Variants in RIN3 observed in about 807,000 individuals in gnomAD.
The protein encoded by RIN3 is RAB5 interacting protein 3.
Under a neutral mutation model 76.3 loss-of-function variants are expected in RIN3, and 54 were observed. The observed-to-expected ratio is 0.71, with a 90% CI of 0.57 to 0.89. The LOEUF (loss-of-function observed/expected upper bound fraction) is 0.89, where lower values mean the gene tolerates loss of function less well. Among genes scored for constraint, RIN3 ranks in the 40% least tolerant of loss-of-function variants. RIN3 has a pLI of 0.00. For synonymous variants in RIN3, 576 were observed against 564.0 expected (o/e 1.02, Z -0.30); for missense variants, 1,256 against 1,322.1 (o/e 0.95, Z 0.78).
intron 3 of RIN3, among the ~76,000 whole-genome samples, chr14:92,597,138 G>A (rs1160966861): frequency 2.0e-5 from 3 of 149,806 alleles, no homozygotes; most frequent in Non-Finnish European, 4.4e-5. Context: ...CATGATGTGT[G>A]TGTGGGTCAA....
intron 7 of RIN3, among the ~76,000 whole-genome samples, chr14:92,668,694 A>G (rs1211061992): frequency 6.6e-6 from 1 of 152,206 alleles, no homozygotes; most frequent in Non-Finnish European, 1.5e-5. Flanking sequence ...CGGACAGTTC[A>G]GACTAGATCA....
At chr14:92,602,545 T>C (rs1885384652) in intron 3 of RIN3, among the ~76,000 whole-genome samples, 1 of 152,170 alleles carries the variant, frequency 6.6e-6, no homozygotes, top group South Asian at 2.1e-4. Context: ...TCCTCACCTA[T>C]TAAAGGTAGA....
chr14:92,675,218 G>A (rs1172201933), intron 7 of RIN3, among the ~76,000 whole-genome samples: 2 of 152,204 alleles, frequency 1.3e-5, no homozygotes, highest in Non-Finnish European at 2.9e-5. Flanking sequence ...GAGTAGTTGT[G>A]TAGGTTCCTG....
At chr14:92,666,155 C>T (rs907334491) in intron 7 of RIN3, among the ~76,000 whole-genome samples, 10 of 152,166 alleles carry the variant, frequency 6.6e-5, no homozygotes, top group Non-Finnish European at 1.3e-4. Flanking sequence ...TTCCCAGCCC[C>T]CTCACCTCCA....
intron 4 of RIN3, among the ~76,000 whole-genome samples, chr14:92,621,736 G>A (rs897927765): frequency 1.3e-5 from 2 of 152,206 alleles, no homozygotes; most frequent in Non-Finnish European, 2.9e-5. Flanking sequence ...TTCCTATTGA[G>A]ACCCTTTAAA....
rs1196602588 is a variant in RIN3 at position 92,650,854 on chromosome 14, C to G, written c.533-728C>G. 3 of 152,384 alleles carry G rather than the reference C, an allele frequency of 2.0e-5. No individual in the cohort carries two copies. The East Asian group carries it at 5.8e-4, about 29-fold the overall frequency. 9.4% of individuals were successfully genotyped at this position (152,384 alleles called of 1,614,324 possible). ...GACTGGGTCGGTAGAGAGGCACGCACTGGAACTCAGCTCCACGGTGCAGGA... is the reference window on the plus strand; with the variant it reads ...GACTGGGTCGGTAGAGAGGCACGCAGTGGAACTCAGCTCCACGGTGCAGGA... On this transcript the variant is annotated intron_variant, in intron 5 of 9. Transcript: ENST00000216487.
At chr14:92,566,289 T>C (rs1386570132) in intron 2 of RIN3, among the ~76,000 whole-genome samples, 1 of 152,160 alleles carries the variant, frequency 6.6e-6, no homozygotes, top group Non-Finnish European at 1.5e-5. Flanking sequence ...CTTCAAGTGG[T>C]TGGCTTTTTG....
At chr14:92,563,233 C>T (rs900609319) in intron 2 of RIN3, among the ~76,000 whole-genome samples, 4 of 151,852 alleles carry the variant, frequency 2.6e-5, no homozygotes, top group Non-Finnish European at 2.9e-5. Context: ...TAGTGGCAGG[C>T]GCCTGTAATC....
chr14:92,560,494 A>G (rs1014298304), intron 2 of RIN3, among the ~76,000 whole-genome samples: 4 of 152,172 alleles, frequency 2.6e-5, no homozygotes, highest in African/African-American at 4.8e-5. Flanking sequence ...CAGAGTTGCT[A>G]TATGCATGAT....
At chr14:92,618,539 A>C (rs1201284830) in intron 4 of RIN3, among the ~76,000 whole-genome samples, 2 of 152,202 alleles carry the variant, frequency 1.3e-5, no homozygotes, top group African/African-American at 2.4e-5. Context: ...AAACTATAAA[A>C]GCTTTTTTAC....
intron 8 of RIN3, among the ~76,000 whole-genome samples, chr14:92,680,250 A>T (rs1014894316): frequency 6.8e-6 from 1 of 146,202 alleles, no homozygotes; most frequent in African/African-American, 2.6e-5. Flanking sequence ...CCCGGACTGG[A>T]GTGCAGTGCT....
chr14:92,526,207 G>A (rs1374799055), intron 1 of RIN3, among the ~76,000 whole-genome samples: 1 of 152,202 alleles, frequency 6.6e-6, no homozygotes, highest in Admixed American at 6.5e-5. Context: ...TGTAATCCCA[G>A]CACTTTGGGA....
chr14:92,618,443 A>T (rs1886052445), intron 4 of RIN3, among the ~76,000 whole-genome samples: 2 of 152,300 alleles, frequency 1.3e-5, no homozygotes, highest in African/African-American at 4.8e-5. Flanking sequence ...CAGTTTTGAG[A>T]TTATGAACCC....
At chr14:92,684,191 C>T (rs934052896) in intron 8 of RIN3, among the ~76,000 whole-genome samples, 1 of 152,080 alleles carries the variant, frequency 6.6e-6, no homozygotes, top group Non-Finnish European at 1.5e-5. Context: ...ACCAGCATGG[C>T]CAGCATGGCG....
At chr14:92,528,373 C>T (rs545345207) in intron 1 of RIN3, among the ~76,000 whole-genome samples, 2 of 152,334 alleles carry the variant, frequency 1.3e-5, no homozygotes, top group East Asian at 3.9e-4. Flanking sequence ...CTGGGGTTGA[C>T]GTTCCACTCT....
At position 92,629,969 on chromosome 14, in the gene RIN3, G is replaced by A. The variant is rs552386483; in HGVS notation, c.441-11269G>A. ...CCTGGCCCTTGGTATGTTATGACAC[G>A]TTAGGCTCTCAGAGAGGCAGGTTCC... On this transcript the variant is annotated intron_variant, in intron 4 of 9. Transcript: ENST00000216487. 3.1e-3 allele frequency among the ~76,000 whole-genome samples: 467 copies of A among 152,338 alleles called. 2 individuals are homozygous for A. The highest frequency in any genetic ancestry group is 5.5e-3 in the Non-Finnish European group (375 of 68,036).
At chr14:92,620,490 G>A (rs1057079388) in intron 4 of RIN3, among the ~76,000 whole-genome samples, 5 of 152,130 alleles carry the variant, frequency 3.3e-5, no homozygotes, top group African/African-American at 9.7e-5. Context: ...CTCTGGGCCC[G>A]ACAAAGGTAG....
intron 7 of RIN3, among the ~76,000 whole-genome samples, chr14:92,675,169 G>C (rs575952541): frequency 1.2e-4 from 18 of 152,094 alleles, no homozygotes; most frequent in African/African-American, 4.3e-4. Context: ...TTTTGCTTTG[G>C]CCAGCAGGAA....
chr14:92,649,510 C>T lies in RIN3; in HGVS notation c.533-2072C>T, dbSNP rs528726738. Among the ~76,000 whole-genome samples, 3 of 152,266 alleles carry T rather than the reference C, an allele frequency of 2.0e-5. No homozygotes were observed. In the South Asian group the frequency reaches 6.2e-4, roughly 32 times the overall value. ...GTCCTGTGTAGACATGGGCACAGTGCTTCACTCACTCACTCCAGGGGCCTG... is the reference window on the plus strand; with the variant it reads ...GTCCTGTGTAGACATGGGCACAGTGTTTCACTCACTCACTCCAGGGGCCTG... On this transcript the variant is annotated intron_variant, in intron 5 of 9. Coordinates refer to ENST00000216487, the MANE Select transcript of RIN3 (RefSeq NM_024832.5).
Sources: allele counts gnomAD v4.1 joint callset (sites outside exome capture counted in the v4.1 genomes callset), GRCh38; gene constraint gnomAD v4.1.1; transcripts MANE v1.5; gene names NCBI Gene and HGNC (gene_info 2026-07-23, HGNC 2026-07-21).